The following NCKAP5 variants were observed in gnomAD, a reference collection of about 807,000 sequenced individuals.
NCKAP5 encodes the protein nck-associated protein 5.
A neutral mutation model predicts 167.0 loss-of-function variants in NCKAP5; 92 were observed. The ratio of observed to expected loss-of-function variants is 0.55; its 90% CI spans 0.47 to 0.66. NCKAP5 has a LOEUF of 0.66. Among genes scored for constraint, NCKAP5 ranks in the 30% least tolerant of loss-of-function variants. The pLI, the probability that NCKAP5 is intolerant of heterozygous loss-of-function variation, is 0.00. For synonymous variants in NCKAP5, 891 were observed against 877.4 expected, an observed-to-expected ratio of 1.02 and a Z score of -0.27; for missense variants, 2,378 against 2,315.0, an observed-to-expected ratio of 1.03 and a Z score of -0.56.
intron 5 of NCKAP5, among the ~76,000 whole-genome samples, chr2:133,189,225 C>T (rs1184643767): frequency 6.6e-6 from 1 of 152,052 alleles, no homozygotes; most frequent in East Asian, 1.9e-4. Context: ...CCTCCCAAGA[C>T]TAAACCAGGA....
At chr2:133,479,932 CTTT>C (rs11368084) in intron 3 of NCKAP5, among the ~76,000 whole-genome samples, 7 of 133,568 alleles carry the variant, frequency 5.2e-5, no homozygotes, top group Admixed American at 7.4e-5. Context: ...TTTCTTTTTC[CTTT>C]TTTTTTTTTT....
At chr2:133,635,154 G>A in the NCKAP5 span, among the ~76,000 whole-genome samples, 4 of 152,252 alleles carry the variant, frequency 2.6e-5, no homozygotes, top group East Asian at 7.7e-4. Context: ...GATTACAGGT[G>A]TGAGCCACCA....
upstream of NCKAP5, among the ~76,000 whole-genome samples, chr2:133,573,033 C>A (rs570985945): frequency 6.6e-6 from 1 of 152,130 alleles, no homozygotes; most frequent in South Asian, 2.1e-4. Context: ...CCATAACTTA[C>A]AATAGATCAT....
intron 8 of NCKAP5, among the ~76,000 whole-genome samples, chr2:132,903,387 G>A (rs910572885): frequency 1.3e-5 from 2 of 152,212 alleles, no homozygotes; most frequent in African/African-American, 4.8e-5. Context: ...TACTATTTTA[G>A]AGGGTGACTT....
chr2:133,119,916 G>T (rs1007628176), intron 6 of NCKAP5, among the ~76,000 whole-genome samples: 10 of 151,768 alleles, frequency 6.6e-5, no homozygotes, highest in Admixed American at 5.2e-4. Context: ...GTTATAATGA[G>T]AAATGAATGA....
chr2:133,464,682 T>C (rs1692428853), intron 3 of NCKAP5, among the ~76,000 whole-genome samples: 1 of 152,180 alleles, frequency 6.6e-6, no homozygotes, highest in African/African-American at 2.4e-5. Flanking sequence ...AGAGTGAGAC[T>C]CCATCTTAAA....
rs554905057 is a variant in NCKAP5 at position 133,325,091 on chromosome 2, T to C, written c.70-21981A>G. 3.9e-5 allele frequency among the ~76,000 whole-genome samples: 6 copies of C among 152,268 alleles called. No individual in the cohort carries two copies. The South Asian group carries it at 1.2e-3, about 32-fold the overall frequency. On this transcript the variant is annotated intron_variant, in intron 3 of 19. Coordinates refer to ENST00000409261, the MANE Select transcript of NCKAP5 (RefSeq NM_207363.3). The stretch of plus-strand genomic sequence containing the variant: ...TGTTATGTGTAGTGCTAGGAGCCGT[T>C]GGATATAACTGTGAAAAAAATGGAC...
chr2:133,388,346 AGAACAGCAAATATTGCT>A (rs1255327621), intron 3 of NCKAP5, among the ~76,000 whole-genome samples: 5 of 152,224 alleles, frequency 3.3e-5, no homozygotes, highest in Non-Finnish European at 7.3e-5. Context: ...CGGAGGATGC[AGAACAGCAAATATTGCT>A]GAACAGCAAA....
chr2:133,025,517 A>C (rs893894143), intron 6 of NCKAP5, among the ~76,000 whole-genome samples: 3 of 152,114 alleles, frequency 2.0e-5, no homozygotes, highest in African/African-American at 7.2e-5. Context: ...AGGTGTGAAA[A>C]ATTGTCAAAA....
At chr2:133,603,934 T>G in the NCKAP5 span, among the ~76,000 whole-genome samples, 1 of 152,350 alleles carries the variant, frequency 6.6e-6, no homozygotes, top group South Asian at 2.1e-4. Flanking sequence ...CTGCCACCAA[T>G]GTGACCATGG....
intron 3 of NCKAP5, among the ~76,000 whole-genome samples, chr2:133,373,310 C>T (rs779764278): frequency 1.5e-4 from 23 of 152,052 alleles, no homozygotes; most frequent in Non-Finnish European, 2.8e-4. Flanking sequence ...CCACCCACCT[C>T]GGCCTCCCAA....
At chr2:133,614,550 C>T in the NCKAP5 span, among the ~76,000 whole-genome samples, 55 of 151,202 alleles carry the variant, frequency 3.6e-4, no homozygotes, top group African/African-American at 1.1e-3. Context: ...AGGGTATCAG[C>T]GATGGAAGAT....
At chr2:133,032,653 C>T (rs1032466655) in intron 6 of NCKAP5, among the ~76,000 whole-genome samples, 1 of 152,160 alleles carries the variant, frequency 6.6e-6, no homozygotes, top group African/African-American at 2.4e-5. Context: ...CAGCAGGTCT[C>T]GGGCGAGACC....
chr2:132,685,690 C>A (rs1047249195), intron 19 of NCKAP5, among the ~76,000 whole-genome samples: 3 of 152,156 alleles, frequency 2.0e-5, no homozygotes, highest in African/African-American at 7.2e-5. Flanking sequence ...AGCAAATACT[C>A]AGGTGGCAAA....
chr2:132,820,689 T>C (rs1017194555), intron 11 of NCKAP5, among the ~76,000 whole-genome samples: 1 of 152,198 alleles, frequency 6.6e-6, no homozygotes, highest in Non-Finnish European at 1.5e-5. Context: ...GGGTAACACA[T>C]CCTTTTAAAT....
chr2:133,275,929 T>C (rs1186767819), intron 4 of NCKAP5, among the ~76,000 whole-genome samples: 1 of 151,928 alleles, frequency 6.6e-6, no homozygotes, highest in East Asian at 1.9e-4. Context: ...GATCTACTTA[T>C]ACACAGATTT....
chr2:133,465,102 T>C (rs914377747), intron 3 of NCKAP5, among the ~76,000 whole-genome samples: 10 of 151,662 alleles, frequency 6.6e-5, no homozygotes, highest in East Asian at 2.0e-4. Context: ...TGGTGTGCTG[T>C]ACCCACTAAC....
rs1238609467 is a variant in NCKAP5, at chr2:133,028,208, T to A, written c.342-33969A>T. ...TAACATTTTTTTATTCTTAGAGGAATAAAAAATAAGATATTTCAAGTACAT... is the reference window on the plus strand; with the variant it reads ...TAACATTTTTTTATTCTTAGAGGAAAAAAAAATAAGATATTTCAAGTACAT... On this transcript the variant is annotated intron_variant, in intron 6 of 19. Transcript: ENST00000409261. Among the ~76,000 whole-genome samples the A allele has an allele frequency of 2.0e-5, 3 of 152,138 alleles. No individual in the cohort carries two copies. In the East Asian group the frequency reaches 5.8e-4, roughly 29 times the overall value.
At position 133,049,485 on chromosome 2, in the gene NCKAP5, C is replaced by A. The variant is rs532895543; in HGVS notation, c.342-55246G>T. 5.6e-4 allele frequency among the ~76,000 whole-genome samples: 77 copies of A among 138,086 alleles called. 1 individual carries two copies. Among genetic ancestry groups the A allele is most frequent in the African/African-American group, 1.8e-3 (64 of 36,484 alleles). The allele number at this position is 138,086 out of a possible 152,430, so 90.6% of individuals were successfully genotyped here. A position where few individuals can be genotyped will look rare whatever the true frequency, so the allele number is the denominator to read the frequency against. On this transcript the variant is annotated intron_variant, in intron 6 of 19. Coordinates refer to ENST00000409261, the MANE Select transcript of NCKAP5 (RefSeq NM_207363.3). ...GTGTGAACCTGGAAGGCAGAGCTTG[C>A]GGTGAGCCGAGATCACACCAATGCA... is the stretch of plus-strand genomic sequence containing the variant.
Sources: allele counts gnomAD v4.1 joint callset (sites outside exome capture counted in the v4.1 genomes callset), GRCh38; gene constraint gnomAD v4.1.1; transcripts MANE v1.5; gene names NCBI Gene and HGNC (gene_info 2026-07-23, HGNC 2026-07-21).